Variants in LONRF3 observed in about 807,000 individuals in gnomAD.
LONRF3 encodes the protein LON peptidase N-terminal domain and ring finger 3.
LONRF3 carries 19 observed loss-of-function variants against 51.7 expected under a neutral mutation model. That is an observed-to-expected ratio of 0.37 (90% CI 0.26 to 0.54). The LOEUF (loss-of-function observed/expected upper bound fraction) is 0.54. LONRF3 is among the 20% of genes least tolerant of loss of function. The pLI, the probability that LONRF3 is intolerant of heterozygous loss-of-function variation, is 0.86. For missense variants in LONRF3, 521 were observed against 623.9 expected (o/e 0.84, Z 1.76); for synonymous variants, 265 against 257.8 (o/e 1.03, Z -0.27).
rs908985876 is a variant in LONRF3, at chrX:119,011,000, G to A, written c.1653-815G>A. Among the ~76,000 whole-genome samples the A allele has an allele frequency of 2.7e-5, 3 of 109,556 alleles. No individual in the cohort carries two copies. In the Admixed American group the frequency reaches 2.9e-4, roughly 11 times the overall value. ...ATGGTGGCATGCACCTGTAATCCCA[G>A]CTACTCAGGAGGCTGAGGCAAGAGA... On this transcript the variant is annotated intron_variant, in intron 7 of 10. Transcript: ENST00000371628.
chrX:118,988,518 C>T (rs1923172680), intron 3 of LONRF3, among the ~76,000 whole-genome samples: 1 of 111,168 alleles, frequency 9.0e-6, no homozygotes, highest in African/African-American at 3.3e-5. Flanking sequence ...AGAAAACCCA[C>T]ATTATTTTTG....
intron 6 of LONRF3, 81 bp downstream of exon 6, chrX:119,006,316 AAGAC>A (rs1326025994): frequency 1.6e-5 from 11 of 704,088 alleles, no homozygotes; most frequent in African/African-American, 4.3e-5. Flanking sequence ...ATTGGGCACT[AAGAC>A]AGTGTTCAAC....
chrX:118,987,445 G>GTTTTT (rs369180848), intron 3 of LONRF3, among the ~76,000 whole-genome samples: 2,736 of 32,243 alleles, frequency 0.085, 605 homozygotes, highest in Non-Finnish European at 0.097. Flanking sequence ...GCCTGGCTAA[G>GTTTTT]TTTTTTTTTT....
At chrX:119,006,745 C>T (rs763273163) in intron 6 of LONRF3, among the ~76,000 whole-genome samples, 2 of 111,766 alleles carry the variant, frequency 1.8e-5, no homozygotes, top group South Asian at 3.8e-4. Context: ...CCCGCCACCA[C>T]GCCTGGCTAA....
intron 6 of LONRF3, among the ~76,000 whole-genome samples, chrX:119,008,876 A>T (rs1231104837): frequency 2.7e-5 from 3 of 112,093 alleles, no homozygotes; most frequent in South Asian, 3.8e-4. Context: ...TAAAACTTCA[A>T]TGCAGGTTTT....
chrX:119,016,695 C>T (rs2316007), intron 10 of LONRF3, among the ~76,000 whole-genome samples: 1 of 111,542 alleles, frequency 9.0e-6, no homozygotes, highest in Non-Finnish European at 1.9e-5. Flanking sequence ...GGAATTTTTG[C>T]AAAGTGAGAT....
At chrX:118,998,230 C>A (rs747363223) in intron 5 of LONRF3, among the ~76,000 whole-genome samples, 1 of 112,281 alleles carries the variant, frequency 8.9e-6, no homozygotes, top group Non-Finnish European at 1.9e-5. Context: ...TGCCCATCAA[C>A]GAGTGGATAA....
At chrX:118,981,066 G>A (rs1293929402) in intron 2 of LONRF3, among the ~76,000 whole-genome samples, 1 of 111,558 alleles carries the variant, frequency 9.0e-6, no homozygotes, top group Non-Finnish European at 1.9e-5. Flanking sequence ...AATGCCCCAA[G>A]TGTAGGGGTT....
chrX:119,004,100 GT>G (rs72404798), intron 5 of LONRF3, among the ~76,000 whole-genome samples: 4,076 of 110,740 alleles, frequency 0.037, 211 homozygotes, highest in African/African-American at 0.13. Context: ...TGACAGATTT[GT>G]TTTTTTCCTC....
intron 1 of LONRF3, chrX:118,976,652 T>C (rs1431342493): frequency 1.8e-5 from 2 of 112,473 alleles, no homozygotes; most frequent in African/African-American, 6.5e-5. Context: ...CAGTCCCCCA[T>C]CTCCAGCTAG....
intron 3 of LONRF3, among the ~76,000 whole-genome samples, chrX:118,988,027 A>G (rs1470973767): frequency 9.0e-6 from 1 of 111,177 alleles, no homozygotes; most frequent in Non-Finnish European, 1.9e-5. Context: ...TGAGGATCAG[A>G]AGCGCAGACT....
In LONRF3 at chrX:118,982,838, C is replaced by G. The variant is rs1015204141; in HGVS notation, c.954C>G (p.Ala318=). 8.3e-7 allele frequency: 1 copy of G among 1,211,199 alleles called. No individual in the cohort carries two copies. Among genetic ancestry groups the G allele is most frequent in the Non-Finnish European group, 1.1e-6 (1 of 895,237 alleles). Residue 318 remains alanine, a synonymous_variant, in exon 3 of 11, where the codon GCC becomes GCG. Coordinates refer to ENST00000371628, the MANE Select transcript of LONRF3 (RefSeq NM_001031855.3). Reference sequence around the variant, plus strand: ...CCTTCCAGGCACATTTCAGAAAAGCCCAAGCCTTAGCCACCCTAGGCAAGG... The same window carrying G: ...CCTTCCAGGCACATTTCAGAAAAGCGCAAGCCTTAGCCACCCTAGGCAAGG... ...PMGFKAHFRK[A]QALATLGKVE...
Position 118,976,334 on chromosome X carries a change from C to A in LONRF3, c.817+737C>A, listed in dbSNP as rs1040973098. On this transcript the variant is annotated intron_variant, in intron 1 of 10. Transcript: ENST00000371628. ...CCACCACGCTCGCTTCGGAAACCAT[C>A]CCACGAGCATGTGCGGGGGGAGGGG... 5 of 113,984 alleles carry A rather than the reference C, an allele frequency of 4.4e-5. No homozygotes were observed. The East Asian group carries it at 1.1e-3, about 26-fold the overall frequency. 9.4% of individuals were successfully genotyped at this position (113,984 alleles called of 1,213,427 possible).
intron 5 of LONRF3, among the ~76,000 whole-genome samples, chrX:118,999,314 T>G (rs1193308894): frequency 9.0e-6 from 1 of 111,661 alleles, no homozygotes; most frequent in Admixed American, 9.5e-5. Context: ...AGCAGGTTCC[T>G]TTCACTACTT....
chrX:119,011,039 G>T (rs1038708883), intron 7 of LONRF3, among the ~76,000 whole-genome samples: 4 of 108,304 alleles, frequency 3.7e-5, no homozygotes, highest in African/African-American at 1.4e-4. Flanking sequence ...GCTTGAACCC[G>T]GGAGGCGGAG....
intron 2 of LONRF3, among the ~76,000 whole-genome samples, chrX:118,979,818 T>TG (rs1922413817): frequency 9.0e-6 from 1 of 111,015 alleles, no homozygotes; most frequent in East Asian, 2.8e-4. Context: ...TTAGGTCACA[T>TG]GGGGGGTGAG....
intron 2 of LONRF3, 115 bp from the exon 3 acceptor site, chrX:118,982,706 G>A: frequency 1.0e-6 from 1 of 981,203 alleles, no homozygotes; most frequent in Non-Finnish European, 1.4e-6. Context: ...CTGTAGATAA[G>A]AGAGTCCTTT....
intron 2 of LONRF3, among the ~76,000 whole-genome samples, chrX:118,978,863 T>C (rs1002299271): frequency 3.4e-4 from 38 of 111,527 alleles, no homozygotes; most frequent in African/African-American, 1.2e-3. Context: ...AAGAGGGCTG[T>C]TGTGAGGATT....
chrX:119,005,886 G>A (rs775303670), intron 5 of LONRF3, among the ~76,000 whole-genome samples: 9 of 111,597 alleles, frequency 8.1e-5, no homozygotes, highest in Non-Finnish European at 1.3e-4. Context: ...AGATAGACTA[G>A]AATTGATGTT....
Sources: gnomAD v4.1 joint callset for allele counts (sites outside exome capture counted in the v4.1 genomes callset) on GRCh38, gnomAD v4.1.1 for gene constraint, MANE v1.5 for transcripts, NCBI Gene and HGNC (gene_info 2026-07-23, HGNC 2026-07-21) for gene names.